Variants in RFX4 observed in about 807,000 individuals in gnomAD.
RFX4 encodes the protein transcription factor RFX4.
A neutral mutation model predicts 95.0 loss-of-function variants in RFX4; 10 were observed. The observed-to-expected ratio is 0.11, with a 90% CI of 0.06 to 0.18. The LOEUF (loss-of-function observed/expected upper bound fraction) is 0.18. RFX4 is among the 10% of genes least tolerant of loss of function. The probability of loss-of-function intolerance (pLI) is 1.00; values close to 1 mark genes in which losing one functional copy is unlikely to be tolerated. For synonymous variants in RFX4, 321 were observed against 340.7 expected, an observed-to-expected ratio of 0.94 and a Z score of 0.64; for missense variants, 640 against 922.0, an observed-to-expected ratio of 0.69 and a Z score of 3.96.
At chr12:106,721,194 T>C (rs2042390246) in intron 13 of RFX4, among the ~76,000 whole-genome samples, 1 of 152,184 alleles carries the variant, frequency 6.6e-6, no homozygotes, top group Non-Finnish European at 1.5e-5. Flanking sequence ...CACAATTTCA[T>C]AGAATCCCGT....
chr12:106,683,379 A>G (rs1353177951), intron 5 of RFX4: 1 of 147,326 alleles, frequency 6.8e-6, no homozygotes, highest in Non-Finnish European at 1.5e-5. Context: ...AAGCTTTTGA[A>G]CCAGTCTCTA....
intron 1 of RFX4, among the ~76,000 whole-genome samples, chr12:106,584,644 G>A (rs2039426836): frequency 6.6e-6 from 1 of 152,210 alleles, no homozygotes; most frequent in African/African-American, 2.4e-5. Flanking sequence ...GGGGTCATCG[G>A]GGCATTGCCC....
At position 106,732,948 on chromosome 12, in the gene RFX4, T is replaced by C; in HGVS notation, c.1496T>C (p.Leu499Ser). The C allele has an allele frequency of 1.2e-6, 2 of 1,614,154 alleles. No individual in the cohort carries two copies. Among genetic ancestry groups the C allele is most frequent in the South Asian group, 2.2e-5 (2 of 91,072 alleles). Residue 499 changes from leucine (L) to serine (S), a missense_variant, in exon 15 of 18, where the codon TTG becomes TCG. By Grantham distance (145) the Leu-to-Ser change is moderately radical. Coordinates refer to ENST00000392842, the MANE Select transcript of RFX4 (RefSeq NM_213594.3). The part of the protein sequence containing the change: ...STAEVREEII[L>S]TEAAAPTPSP... ...GCAGAAGTCCGAGAAGAGATCATCT[T>C]GACAGAGGCTGCCGCACCAACCCCT...
At chr12:106,731,514 G>T (rs529564493) in intron 13 of RFX4, among the ~76,000 whole-genome samples, 2 of 152,282 alleles carry the variant, frequency 1.3e-5, no homozygotes, top group African/African-American at 4.8e-5. Flanking sequence ...AATGAAGACT[G>T]CCACTTGAAA....
rs770932237 is a variant in RFX4, at chr12:106,762,473, G to A, written c.*1004G>A. 2 of 152,526 alleles carry A rather than the reference G, an allele frequency of 1.3e-5. No individual in the cohort carries two copies. Among genetic ancestry groups the A allele is most frequent in the African/African-American group, 2.4e-5 (1 of 41,436 alleles). The allele number at this position is 152,526 out of a possible 1,614,324, so 9.4% of individuals were successfully genotyped here. On this transcript the variant is annotated 3_prime_UTR_variant, in exon 18 of 18. Coordinates refer to ENST00000392842, the MANE Select transcript of RFX4 (RefSeq NM_213594.3). ...GCCTATACTATACTGTGTATGTGTG[G>A]AAATAAAAATGTATTGTACTTTTGG...
At chr12:106,665,987 G>C (rs1024822162) in intron 4 of RFX4, among the ~76,000 whole-genome samples, 1 of 151,672 alleles carries the variant, frequency 6.6e-6, no homozygotes, top group Non-Finnish European at 1.5e-5. Context: ...TCCTTTCTTT[G>C]TGTAAATCTG....
chr12:106,666,010 A>C (rs1422977280), intron 4 of RFX4, among the ~76,000 whole-genome samples: 1 of 151,974 alleles, frequency 6.6e-6, no homozygotes, highest in African/African-American at 2.4e-5. Flanking sequence ...TTTCTGACCT[A>C]TATCAATTTC....
At chr12:106,623,178 A>T (rs929732666) in intron 2 of RFX4, among the ~76,000 whole-genome samples, 4 of 150,966 alleles carry the variant, frequency 2.6e-5, no homozygotes, top group Non-Finnish European at 5.9e-5. Flanking sequence ...AGCTGGGACT[A>T]CAGGCGCCCA....
At chr12:106,665,118 A>T (rs1235062443) in intron 4 of RFX4, among the ~76,000 whole-genome samples, 1 of 151,690 alleles carries the variant, frequency 6.6e-6, no homozygotes, top group African/African-American at 2.4e-5. Context: ...GGATTCATCA[A>T]TTTTTCCTTG....
intron 2 of RFX4, among the ~76,000 whole-genome samples, chr12:106,611,311 T>C (rs2039956887): frequency 6.6e-6 from 1 of 152,220 alleles, no homozygotes; most frequent in Admixed American, 6.5e-5. Context: ...AATTTTTATT[T>C]TGATGCATCC....
chr12:106,739,255 C>T (rs1005065705), intron 15 of RFX4, among the ~76,000 whole-genome samples: 4 of 152,038 alleles, frequency 2.6e-5, no homozygotes, highest in African/African-American at 9.7e-5. Context: ...TTTTGGGTTT[C>T]CAGCATATCG....
rs2043217293 is a variant in RFX4 at position 106,762,188 on chromosome 12, G to T, written c.*719G>T. 1 of 152,632 alleles carries T rather than the reference G, an allele frequency of 6.6e-6. No individual in the cohort carries two copies. Among genetic ancestry groups the T allele is most frequent in the Admixed American group, 6.5e-5 (1 of 15,276 alleles). The allele number at this position is 152,632 out of a possible 1,614,324, so 9.5% of individuals were successfully genotyped here. ...GGAGACTGGTTCTTCTACATACAAG[G>T]ATTTGTCTTAAGTTTGCACAATGGC... On this transcript the variant is annotated 3_prime_UTR_variant, in exon 18 of 18. Transcript: ENST00000392842.
At chr12:106,608,584 A>G (rs895887878) in intron 1 of RFX4, among the ~76,000 whole-genome samples, 3 of 152,184 alleles carry the variant, frequency 2.0e-5, no homozygotes, top group Non-Finnish European at 4.4e-5. Context: ...TTTGCATCCA[A>G]ACTACTCAGC....
chr12:106,689,432 A>G, intron 7 of RFX4, 68 bp downstream of exon 7: 2 of 1,294,158 alleles, frequency 1.5e-6, no homozygotes, highest in Non-Finnish European at 2.2e-6. Flanking sequence ...CTCCTATTTC[A>G]TGAGCTCCTG....
chr12:106,629,688 T>C (rs2040377298), intron 2 of RFX4, among the ~76,000 whole-genome samples: 2 of 152,120 alleles, frequency 1.3e-5, no homozygotes, highest in African/African-American at 4.8e-5. Context: ...TTGCTAAGGC[T>C]GGTTGAACTC....
chr12:106,646,026 A>G, intron 3 of RFX4: 1 of 1,090,238 alleles, frequency 9.2e-7, no homozygotes, highest in East Asian at 5.9e-5. Context: ...TTTTTAAAAA[A>G]AGTATTTTGT....
At chr12:106,663,586 T>C (rs1472805431) in intron 4 of RFX4, among the ~76,000 whole-genome samples, 1 of 151,952 alleles carries the variant, frequency 6.6e-6, no homozygotes, top group African/African-American at 2.4e-5. Flanking sequence ...TGCAGTATGA[T>C]GTTGAAAAGG....
At chr12:106,596,185 C>G (rs1413524421) in intron 1 of RFX4, among the ~76,000 whole-genome samples, 2 of 152,154 alleles carry the variant, frequency 1.3e-5, no homozygotes, top group Non-Finnish European at 2.9e-5. Flanking sequence ...TGGGAGGCAC[C>G]TGGTGGGAGA....
At chr12:106,719,847 T>C (rs2042363464) in intron 11 of RFX4, 113 bp from the exon 12 acceptor site, 2 of 805,880 alleles carry the variant, frequency 2.5e-6, no homozygotes, top group African/African-American at 3.5e-5. Flanking sequence ...CTTGGAGTTT[T>C]ATTTATTTAA....
Sources: allele counts gnomAD v4.1 joint callset (sites outside exome capture counted in the v4.1 genomes callset), GRCh38; gene constraint gnomAD v4.1.1; transcripts MANE v1.5; gene names NCBI Gene and HGNC (gene_info 2026-07-23, HGNC 2026-07-21).